The following CHCHD6 variants were observed in gnomAD, a reference collection of about 807,000 sequenced individuals.
CHCHD6 encodes MICOS complex subunit MIC25.
CHCHD6 carries 28 observed loss-of-function variants against 32.3 expected under a neutral mutation model. The ratio of observed to expected loss-of-function variants is 0.87; its 90% CI spans 0.64 to 1.19. The LOEUF (loss-of-function observed/expected upper bound fraction) is 1.19. Among genes scored for constraint, CHCHD6 ranks in the 50% most tolerant of loss-of-function variants. CHCHD6 has a pLI of 0.00. For synonymous variants in CHCHD6, 122 were observed against 117.5 expected (o/e 1.04, Z -0.25); for missense variants, 333 against 307.0 (o/e 1.08, Z -0.63).
At chr3:126,948,902 C>T (rs2078676459) in intron 6 of CHCHD6, among the ~76,000 whole-genome samples, 1 of 152,246 alleles carries the variant, frequency 6.6e-6, no homozygotes, top group African/African-American at 2.4e-5. Context: ...CACAGTTTCA[C>T]CCCATACCTT....
chr3:126,890,421 A>G (rs1299622153), intron 5 of CHCHD6, among the ~76,000 whole-genome samples: 1 of 152,152 alleles, frequency 6.6e-6, no homozygotes, highest in African/African-American at 2.4e-5. Context: ...AGAGGGCTGC[A>G]GTGTCCCACC....
At chr3:126,707,802 T>C (rs1208943835) in intron 1 of CHCHD6, among the ~76,000 whole-genome samples, 2 of 152,238 alleles carry the variant, frequency 1.3e-5, no homozygotes, top group African/African-American at 4.8e-5. Context: ...GAGTCCCCCA[T>C]TGTGCCAGTG....
chr3:126,730,504 T>C, intron 2 of CHCHD6, 57 bp from the exon 3 acceptor site: 1 of 1,474,394 alleles, frequency 6.8e-7, no homozygotes, highest in East Asian at 2.3e-5. Flanking sequence ...GTGACCTCTG[T>C]GACTTCGTGG....
chr3:126,866,604 C>T (rs1286355546), intron 5 of CHCHD6, among the ~76,000 whole-genome samples: 1 of 152,234 alleles, frequency 6.6e-6, no homozygotes, highest in Non-Finnish European at 1.5e-5. Flanking sequence ...ATGACTTATT[C>T]ACCAGTTGAC....
At chr3:126,704,933 T>C (rs1158542135) in intron 1 of CHCHD6, among the ~76,000 whole-genome samples, 1 of 152,082 alleles carries the variant, frequency 6.6e-6, no homozygotes, top group African/African-American at 2.4e-5. Flanking sequence ...CCTTCCCTGG[T>C]TCCAAAGCTG....
chr3:126,880,095 G>A (rs2077589227), intron 5 of CHCHD6, among the ~76,000 whole-genome samples: 1 of 152,180 alleles, frequency 6.6e-6, no homozygotes, highest in Non-Finnish European at 1.5e-5. Context: ...CTGCTCTCTG[G>A]TTAGGGAGAT....
chr3:126,917,291 C>T lies in CHCHD6; in HGVS notation c.566+2541C>T, dbSNP rs760003218. On this transcript the variant is annotated intron_variant, in intron 6 of 7. Coordinates refer to ENST00000290913, the MANE Select transcript of CHCHD6 (RefSeq NM_032343.3). Reference sequence around the variant, plus strand: ...AGTGAAGAACTGAGGCTGGAGAGGTCGAATAACTCCTTTTGTCCGTGGTCA... The same window carrying T: ...AGTGAAGAACTGAGGCTGGAGAGGTTGAATAACTCCTTTTGTCCGTGGTCA... 7.2e-4 allele frequency among the ~76,000 whole-genome samples: 110 copies of T among 152,216 alleles called. 1 individual carries two copies. The highest frequency in any genetic ancestry group is 3.3e-4 in the Admixed American group (5 of 15,288).
At chr3:126,907,198 G>T (rs2078020128) in intron 5 of CHCHD6, among the ~76,000 whole-genome samples, 1 of 152,196 alleles carries the variant, frequency 6.6e-6, no homozygotes, top group African/African-American at 2.4e-5. Flanking sequence ...AGCTGACTTT[G>T]CATTGACTGT....
intron 5 of CHCHD6, among the ~76,000 whole-genome samples, chr3:126,861,586 A>G (rs1481274239): frequency 1.3e-5 from 2 of 149,500 alleles, no homozygotes; most frequent in African/African-American, 5.0e-5. Flanking sequence ...CTCATCCTCC[A>G]TCACTACCTC....
intron 5 of CHCHD6, among the ~76,000 whole-genome samples, chr3:126,865,145 CTCCTTT>C (rs1942238945): frequency 3.3e-5 from 2 of 61,440 alleles, no homozygotes; most frequent in Non-Finnish European, 4.3e-5. Context: ...CCACCACCAC[CTCCTTT>C]TCCACCACCT....
At chr3:126,747,046 C>T (rs982100003) in intron 4 of CHCHD6, among the ~76,000 whole-genome samples, 4 of 152,156 alleles carry the variant, frequency 2.6e-5, no homozygotes, top group Admixed American at 1.3e-4. Flanking sequence ...TTTTTTGCCC[C>T]GATCTCAGCT....
chr3:126,879,980 G>A lies in CHCHD6; in HGVS notation c.495+27250G>A, dbSNP rs1026854181. On this transcript the variant is annotated intron_variant, in intron 5 of 7. Coordinates refer to ENST00000290913, the MANE Select transcript of CHCHD6 (RefSeq NM_032343.3). ...ATTTTTCAAAATAAGAACAAGTGTT[G>A]GGTAAACCTACACCCAGACTCTCCT... is the stretch of plus-strand genomic sequence containing the variant. 3.9e-5 allele frequency among the ~76,000 whole-genome samples: 6 copies of A among 152,244 alleles called. No homozygotes were observed. The East Asian group carries it at 1.2e-3, about 29-fold the overall frequency.
At chr3:126,860,014 G>A (rs762802365) in intron 5 of CHCHD6, among the ~76,000 whole-genome samples, 7 of 152,134 alleles carry the variant, frequency 4.6e-5, no homozygotes, top group Non-Finnish European at 8.8e-5. Context: ...CACGTGCTCA[G>A]TGAGGGGTGT....
At chr3:126,874,224 G>A (rs752631399) in intron 5 of CHCHD6, among the ~76,000 whole-genome samples, 11 of 152,226 alleles carry the variant, frequency 7.2e-5, no homozygotes, top group Non-Finnish European at 1.6e-4. Context: ...GTAACACCAG[G>A]TGTCTAAAAA....
At chr3:126,904,321 C>T (rs2077974451) in intron 5 of CHCHD6, among the ~76,000 whole-genome samples, 1 of 152,192 alleles carries the variant, frequency 6.6e-6, no homozygotes, top group Non-Finnish European at 1.5e-5. Context: ...TGTGTCTCCT[C>T]TGGGGCTCCC....
chr3:126,844,681 C>T (rs1029882808), intron 4 of CHCHD6, among the ~76,000 whole-genome samples: 4 of 152,140 alleles, frequency 2.6e-5, no homozygotes, highest in African/African-American at 9.7e-5. Context: ...TAATGGCCCC[C>T]CAAAGATTTC....
chr3:126,778,589 T>C (rs1937768159), intron 4 of CHCHD6, among the ~76,000 whole-genome samples: 1 of 152,244 alleles, frequency 6.6e-6, no homozygotes, highest in South Asian at 2.1e-4. Context: ...TTCAGATCCT[T>C]TGTCCATTTT....
chr3:126,897,356 G>A (rs1318909858), intron 5 of CHCHD6, among the ~76,000 whole-genome samples: 2 of 152,146 alleles, frequency 1.3e-5, no homozygotes, highest in Non-Finnish European at 2.9e-5. Context: ...TTCTTCTTTT[G>A]GATTAATATA....
At chr3:126,904,205 T>C (rs2077973021) in intron 5 of CHCHD6, among the ~76,000 whole-genome samples, 2 of 152,218 alleles carry the variant, frequency 1.3e-5, no homozygotes, top group African/African-American at 4.8e-5. Context: ...CACCCCTGGT[T>C]AGCCCCTCCT....
Sources: allele counts gnomAD v4.1 joint callset (sites outside exome capture counted in the v4.1 genomes callset), GRCh38; gene constraint gnomAD v4.1.1; transcripts MANE v1.5; gene names NCBI Gene and HGNC (gene_info 2026-07-23, HGNC 2026-07-21).